Variants in FBN1 observed in about 807,000 individuals in gnomAD.
FBN1 encodes fibrillin-1.
Under a neutral mutation model 365.1 loss-of-function variants are expected in FBN1, and 29 were observed. The observed-to-expected ratio is 0.08, with a 90% CI of 0.06 to 0.11. The LOEUF (loss-of-function observed/expected upper bound fraction) is 0.11. Ranked by LOEUF, FBN1 falls within the 10% of genes least tolerant of loss-of-function variation. The pLI, the probability that FBN1 is intolerant of heterozygous loss-of-function variation, is 1.00. For synonymous variants in FBN1, 1,210 were observed against 1,270.5 expected (o/e 0.95, Z 1.01); for missense variants, 2,476 against 3,703.2 (o/e 0.67, Z 8.60).
intron 38 of FBN1, among the ~76,000 whole-genome samples, chr15:48,466,631 C>T (rs1450788952): frequency 6.6e-6 from 1 of 152,048 alleles, no homozygotes; most frequent in African/African-American, 2.4e-5. Flanking sequence ...GTCCTGGCTC[C>T]CTGAAATTAT....
chr15:48,515,418 C>T lies in FBN1; in HGVS notation c.1437G>A (p.Gly479=), dbSNP rs1468620466. 3 of 1,613,870 alleles carry T rather than the reference C, an allele frequency of 1.9e-6. No homozygotes were observed. In the African/African-American group the frequency reaches 4.0e-5, roughly 22 times the overall value. Residue 479 remains glycine (G), a synonymous_variant, in exon 12 of 66, where the codon GGG becomes GGA. Coordinates refer to ENST00000316623, the MANE Select transcript of FBN1 (RefSeq NM_000138.5). The part of the protein sequence containing the change: ...PGSYRCECNK[G]FQLDLRGECI... ...ACTCCCCACGGAGGTCCAGCTGGAA[C>T]CCTTTGTTGCACTCACACCGGTAAC...
Position 48,489,811 on chromosome 15 carries a change from A to T in FBN1, c.3082+40T>A, listed in dbSNP as rs370501553. 130 of 1,530,836 alleles carry T rather than the reference A, an allele frequency of 8.5e-5. No individual in the cohort carries two copies. The African/African-American group carries it at 1.6e-3, about 19-fold the overall frequency. The allele number at this position is 1,530,836 out of a possible 1,614,324, so 94.8% of individuals were successfully genotyped here. ...CATGAAAATGCATCCTATTTGTCTA[A>T]AAAGGGAGGCAATTGGCCATGGAAA... On this transcript the variant is annotated intron_variant, in intron 25 of 65. Transcript: ENST00000316623.
At position 48,520,939 on chromosome 15, in the gene FBN1, T is replaced by C. The variant is rs116153781; in HGVS notation, c.989-122A>G. ...CTACGGCAGGATTAACTCACACCTC[T>C]GCCCCCCGGAAGGGAAGCTGCGAGC... On this transcript the variant is annotated intron_variant, in intron 9 of 65. Transcript: ENST00000316623. The C allele has an allele frequency of 2.4e-3, 3,239 of 1,327,500 alleles. 75 individuals carry two copies. In the African/African-American group the frequency reaches 0.043, roughly 18 times the overall value. 82.2% of individuals were successfully genotyped at this position (1,327,500 alleles called of 1,614,324 possible). A position where few individuals can be genotyped will look rare whatever the true frequency, so the allele number is the denominator to read the frequency against.
intron 32 of FBN1, among the ~76,000 whole-genome samples, 192 bp downstream of exon 32, chr15:48,481,463 A>C (rs1177399654): frequency 6.6e-6 from 1 of 152,180 alleles, no homozygotes. Flanking sequence ...CAAGAAAAAA[A>C]CCTGCAACTT....
chr15:48,526,890 G>A (rs369492021), intron 8 of FBN1, among the ~76,000 whole-genome samples: 3 of 152,194 alleles, frequency 2.0e-5, no homozygotes, highest in South Asian at 2.1e-4. Context: ...GTCAACACAC[G>A]GTCTTTGGCT....
At position 48,427,575 on chromosome 15, in the gene FBN1, T is replaced by C. The variant is rs1428791574; in HGVS notation, c.7196A>G (p.Asn2399Ser). ...LCPHGRGFMT[N>S]GADIDECKVI... Reference sequence around the variant, plus strand: ...GACTATAAATGAAGTACCTGCTCCATTGGTCATGAATCCTCGGCCATGGGG... The same window carrying C: ...GACTATAAATGAAGTACCTGCTCCACTGGTCATGAATCCTCGGCCATGGGG... The change falls in exon 58 of 66, where the codon AAT becomes AGT. Residue 2399 changes from asparagine (N) to serine (S), a missense_variant. Asn to Ser is a conservative substitution (Grantham distance 46). Coordinates refer to ENST00000316623, the MANE Select transcript of FBN1 (RefSeq NM_000138.5). 4 of 1,613,914 alleles carry C rather than the reference T, an allele frequency of 2.5e-6. No individual in the cohort carries two copies. The highest frequency in any genetic ancestry group is 4.5e-5 in the East Asian group (2 of 44,898).
chr15:48,574,631 C>T (rs1169038079), intron 6 of FBN1, among the ~76,000 whole-genome samples: 3 of 151,090 alleles, frequency 2.0e-5, no homozygotes, highest in Admixed American at 1.3e-4. Flanking sequence ...CATCTATATC[C>T]TAAACAGCTC....
At position 48,505,483 on chromosome 15, in the gene FBN1, C is replaced by T. The variant is rs1444240855; in HGVS notation, c.1838-336G>A. Among the ~76,000 whole-genome samples the T allele has an allele frequency of 2.0e-5, 3 of 152,114 alleles. No homozygotes were observed. In the South Asian group the frequency reaches 6.2e-4, roughly 32 times the overall value. ...CAAAGGGTTTTGTGAAATGTATAAC[C>T]AGGGTAGCTCTTCCAGGGCTCTCAG... On this transcript the variant is annotated intron_variant, in intron 15 of 65. Coordinates refer to ENST00000316623, the MANE Select transcript of FBN1 (RefSeq NM_000138.5).
intron 6 of FBN1, among the ~76,000 whole-genome samples, chr15:48,561,522 A>C (rs1408060263): frequency 6.6e-6 from 1 of 152,180 alleles, no homozygotes; most frequent in Non-Finnish European, 1.5e-5. Flanking sequence ...CTGAATATTC[A>C]TCCAGCAAGG....
At chr15:48,467,787 G>A (rs1465547403) in intron 38 of FBN1, 151 bp downstream of exon 38, 2 of 729,782 alleles carry the variant, frequency 2.7e-6, no homozygotes, top group Admixed American at 4.3e-5. Context: ...AATATTTTCT[G>A]ACTCTCGAAT....
At position 48,415,710 on chromosome 15, in the gene FBN1, A is replaced by T. The variant is rs794728338; in HGVS notation, c.7877T>A (p.Leu2626Gln). 1 of 1,614,242 alleles carries T rather than the reference A, an allele frequency of 6.2e-7. No homozygotes were observed. Among genetic ancestry groups the T allele is most frequent in the Non-Finnish European group, 8.5e-7 (1 of 1,180,048 alleles). Reference sequence around the variant, plus strand: ...GGGACACATGCACTTGTAGCTCCCCAGGGTGTTGTGACAGGAGGCTCCTCC... The same window carrying T: ...GGGACACATGCACTTGTAGCTCCCCTGGGTGTTGTGACAGGAGGCTCCTCC... ...ICGGASCHNT[L>Q]GSYKCMCPAG... is the part of the protein sequence containing the mutation. The change falls in exon 64 of 66, where the codon CTG becomes CAG. Residue 2626 changes from leucine (L) to glutamine (Q), a missense_variant. Physicochemically the swap from Leu to Gln is moderately radical, Grantham distance 113. Transcript: ENST00000316623.
In FBN1 at chr15:48,425,438, T is replaced by C. The variant is rs371278936; in HGVS notation, c.7384A>G (p.Thr2462Ala). The change falls in exon 60 of 66, where the codon ACA becomes GCA. Residue 2462 changes from threonine to alanine, a missense_variant. Physicochemically the swap from Thr to Ala is moderately conservative, Grantham distance 58 (BLOSUM62 0). Coordinates refer to ENST00000316623, the MANE Select transcript of FBN1 (RefSeq NM_000138.5). ...PKPCNFICKN[T>A]EGSYQCSCPK... ...CATGAACACTGGTAACTCCCTTCTGTGTTTTTGCAGATAAAATTGCAGGGT... is the reference window on the plus strand; with the variant it reads ...CATGAACACTGGTAACTCCCTTCTGCGTTTTTGCAGATAAAATTGCAGGGT... 1 of 1,614,158 alleles carries C rather than the reference T, an allele frequency of 6.2e-7. No individual in the cohort carries two copies. The highest frequency in any genetic ancestry group is 8.5e-7 in the Non-Finnish European group (1 of 1,180,012).
chr15:48,643,754 C>G lies in FBN1; in HGVS notation c.164+852G>C, dbSNP rs1176517004. ...ATAAAAGGGGTCACTGACAGTCCAT[C>G]CTGTTGTTTCCATGGAGGCTTTAAC... is the stretch of plus-strand genomic sequence containing the variant. On this transcript the variant is annotated intron_variant, in intron 2 of 65. Coordinates refer to ENST00000316623, the MANE Select transcript of FBN1 (RefSeq NM_000138.5). The G allele has an allele frequency of 2.0e-5, 3 of 152,172 alleles. No individual in the cohort carries two copies. The East Asian group carries it at 5.8e-4, about 29-fold the overall frequency. 9.4% of individuals were successfully genotyped at this position (152,172 alleles called of 1,614,324 possible). A position where few individuals can be genotyped will look rare whatever the true frequency, so the allele number is the denominator to read the frequency against.
chr15:48,484,598 T>G (rs2043491060), intron 30 of FBN1, among the ~76,000 whole-genome samples: 1 of 152,204 alleles, frequency 6.6e-6, no homozygotes, highest in Non-Finnish European at 1.5e-5. Context: ...CTTGAACTCC[T>G]GAACTCAGGT....
chr15:48,504,979 CAG>C, intron 16 of FBN1, 44 bp downstream of exon 16: 1 of 1,612,108 alleles, frequency 6.2e-7, no homozygotes, highest in South Asian at 1.1e-5. Flanking sequence ...TATTGAGTGA[CAG>C]AGGCTGAACC....
At chr15:48,476,543 C>G (rs1566906925) in intron 32 of FBN1, among the ~76,000 whole-genome samples, 1 of 151,756 alleles carries the variant, frequency 6.6e-6, no homozygotes, top group South Asian at 2.1e-4. Context: ...GTTTCCCCAT[C>G]TGGTGATTGG....
chr15:48,504,180 G>A (rs904010301), intron 16 of FBN1, among the ~76,000 whole-genome samples: 4 of 152,196 alleles, frequency 2.6e-5, no homozygotes, highest in Admixed American at 1.3e-4. Context: ...GAGTATCATG[G>A]TTTACTAAAA....
chr15:48,505,360 A>T (rs989020518), intron 15 of FBN1, among the ~76,000 whole-genome samples: 1 of 152,232 alleles, frequency 6.6e-6, no homozygotes, highest in South Asian at 2.1e-4. Context: ...TTCCATAAAA[A>T]GTAACTTTAA....
At chr15:48,530,147 G>A (rs1422421810) in intron 8 of FBN1, among the ~76,000 whole-genome samples, 1 of 129,674 alleles carries the variant, frequency 7.7e-6, no homozygotes, top group Non-Finnish European at 1.7e-5. Context: ...ACTTGAAAAT[G>A]GAGTCTGAAT....
Sources: gnomAD v4.1 joint callset for allele counts (sites outside exome capture counted in the v4.1 genomes callset) on GRCh38, gnomAD v4.1.1 for gene constraint, MANE v1.5 for transcripts, NCBI Gene and HGNC (gene_info 2026-07-23, HGNC 2026-07-21) for gene names.